The following VPS37C variants were observed in gnomAD, a reference collection of about 807,000 sequenced individuals.
VPS37C encodes the protein VPS37C subunit of ESCRT-I, also known as vacuolar protein sorting-associated protein 37C.
VPS37C carries 9 observed loss-of-function variants against 16.1 expected under a neutral mutation model. The ratio of observed to expected loss-of-function variants is 0.56; its 90% confidence interval spans 0.34 to 0.97. The LOEUF (loss-of-function observed/expected upper bound fraction) is 0.97, where lower values mean the gene tolerates loss of function less well. Ranked by LOEUF, VPS37C falls within the 50% of genes least tolerant of loss-of-function variation. The probability of loss-of-function intolerance (pLI) is 0.02; values close to 1 mark genes in which losing one functional copy is unlikely to be tolerated. For synonymous variants in VPS37C, 207 were observed against 206.4 expected (o/e 1.00, Z -0.02); for missense variants, 479 against 472.7 (o/e 1.01, Z -0.12).
chr11:61,135,284 G>A (rs1234055920), intron 2 of VPS37C, among the ~76,000 whole-genome samples: 3 of 152,212 alleles, frequency 2.0e-5, no homozygotes, highest in Admixed American at 6.5e-5. Context: ...TACAGGGGCC[G>A]AGGTCCTGCA....
At chr11:61,142,337 T>C (rs1477527818) in intron 1 of VPS37C, among the ~76,000 whole-genome samples, 1 of 152,130 alleles carries the variant, frequency 6.6e-6, no homozygotes, top group East Asian at 1.9e-4. Context: ...ACTCAAGCAA[T>C]CCTCCCACCT....
At chr11:61,144,314 G>C (rs1303293321) in intron 1 of VPS37C, 1 of 152,148 alleles carries the variant, frequency 6.6e-6, no homozygotes, top group African/African-American at 2.4e-5. Context: ...AGGCTACCTG[G>C]GTCTGACTAG....
At chr11:61,154,664 CAG>C (rs1241232815) in intron 1 of VPS37C, among the ~76,000 whole-genome samples, 1 of 152,294 alleles carries the variant, frequency 6.6e-6, no homozygotes, top group South Asian at 2.1e-4. Flanking sequence ...AAAATATTTG[CAG>C]AGTTACTGAC....
chr11:61,149,497 C>A (rs1342106280), intron 1 of VPS37C, among the ~76,000 whole-genome samples: 1 of 152,160 alleles, frequency 6.6e-6, no homozygotes, highest in East Asian at 1.9e-4. Context: ...CACCAAGCAG[C>A]AGGTCTGGCA....
At chr11:61,147,550 G>A (rs1289576634) in intron 1 of VPS37C, among the ~76,000 whole-genome samples, 1 of 152,068 alleles carries the variant, frequency 6.6e-6, no homozygotes, top group Non-Finnish European at 1.5e-5. Context: ...GGAACTCTGG[G>A]GAGGGTTCAA....
rs1055225994 is a variant in VPS37C at position 61,130,805 on chromosome 11, G to C, written c.*1015C>G. ...GGTGTTTTTTAAAAAGCACCATTTG[G>C]GAAGTAAAGTTAGGGCCTCTTTTGA... On this transcript the variant is annotated 3_prime_UTR_variant, in exon 5 of 5. Coordinates refer to ENST00000301765, the MANE Select transcript of VPS37C (RefSeq NM_017966.5). 1 of 440,104 alleles carries C rather than the reference G, an allele frequency of 2.3e-6. No homozygotes were observed. Among genetic ancestry groups the C allele is most frequent in the Non-Finnish European group, 4.5e-6 (1 of 221,324 alleles). 27.3% of individuals were successfully genotyped at this position (440,104 alleles called of 1,614,324 possible).
chr11:61,132,336 C>T lies in VPS37C; in HGVS notation c.552G>A (p.Gln184=), dbSNP rs1193061880. The change falls in exon 5 of 5, where the codon CAG becomes CAA. Residue 184 remains glutamine (Q), a synonymous_variant. Coordinates refer to ENST00000301765, the MANE Select transcript of VPS37C (RefSeq NM_017966.5). ...GCTCTTCAACCACAGGGGGTGTTCC[C>T]TGGGGGACTGGGCGCACCGGGGGTG... ...RPPPPVRPVP[Q]GTPPVVEEQP... 1 of 1,599,290 alleles carries T rather than the reference C, an allele frequency of 6.3e-7. No individual in the cohort carries two copies.
At chr11:61,138,884 G>C in intron 1 of VPS37C, 49 bp from the exon 2 acceptor site, 1 of 1,560,350 alleles carries the variant, frequency 6.4e-7, no homozygotes, top group Admixed American at 1.7e-5. Flanking sequence ...CCAAGACGAA[G>C]GGACCCCCGA....
intron 1 of VPS37C, among the ~76,000 whole-genome samples, chr11:61,157,418 T>G (rs953105889): frequency 2.4e-4 from 15 of 63,740 alleles, no homozygotes; most frequent in African/African-American, 1.6e-4. Context: ...TGTTGTTGTT[T>G]TTTTTCAATA....
chr11:61,146,084 G>A (rs615968), intron 1 of VPS37C, among the ~76,000 whole-genome samples: 1 of 152,146 alleles, frequency 6.6e-6, no homozygotes, highest in Non-Finnish European at 1.5e-5. Flanking sequence ...TCACAATAAC[G>A]TTTGCCCAAA....
At position 61,130,852 on chromosome 11, in the gene VPS37C, T is replaced by C. The variant is rs1309560865; in HGVS notation, c.*968A>G. 4.8e-6 allele frequency: 2 copies of C among 420,460 alleles called. No individual in the cohort carries two copies. Among genetic ancestry groups the C allele is most frequent in the Non-Finnish European group, 9.4e-6 (2 of 213,786 alleles). 26.0% of individuals were successfully genotyped at this position (420,460 alleles called of 1,614,324 possible). On this transcript the variant is annotated 3_prime_UTR_variant, in exon 5 of 5. Coordinates refer to ENST00000301765, the MANE Select transcript of VPS37C (RefSeq NM_017966.5). ...TTGATGCCTGTCTTAGGATGGACAC[T>C]GGGGGTGGGAGGATTACATCAACAG...
intron 1 of VPS37C, among the ~76,000 whole-genome samples, chr11:61,152,187 C>G (rs1459882627): frequency 6.6e-6 from 1 of 152,170 alleles, no homozygotes. Context: ...GATAAGACCG[C>G]TGTACTCACT....
chr11:61,140,157 G>A (rs1861450356), intron 1 of VPS37C, among the ~76,000 whole-genome samples: 2 of 152,218 alleles, frequency 1.3e-5, no homozygotes, highest in African/African-American at 4.8e-5. Context: ...CACTCAGCTA[G>A]GGTGAGCCAA....
At chr11:61,142,142 C>T (rs1051727693) in intron 1 of VPS37C, among the ~76,000 whole-genome samples, 1 of 152,222 alleles carries the variant, frequency 6.6e-6, no homozygotes, top group African/African-American at 2.4e-5. Context: ...CTCAGGACCC[C>T]TTTTCACTCT....
intron 1 of VPS37C, among the ~76,000 whole-genome samples, chr11:61,153,764 G>A (rs1168502143): frequency 1.3e-5 from 2 of 152,172 alleles, no homozygotes; most frequent in African/African-American, 4.8e-5. Context: ...GGAGGCCAGG[G>A]TAGCCAGAGT....
intron 2 of VPS37C, among the ~76,000 whole-genome samples, chr11:61,136,464 G>A (rs1053898041): frequency 1.2e-4 from 19 of 152,028 alleles, no homozygotes; most frequent in African/African-American, 3.4e-4. Flanking sequence ...ATGAGCTACC[G>A]CGCCCAGCCT....
chr11:61,136,510 T>G (rs992880694), intron 2 of VPS37C, among the ~76,000 whole-genome samples: 1 of 152,156 alleles, frequency 6.6e-6, no homozygotes, highest in Non-Finnish European at 1.5e-5. Flanking sequence ...ACAAAGATTC[T>G]CATCTTCCCC....
At chr11:61,156,145 TA>T (rs1382241800) in intron 1 of VPS37C, among the ~76,000 whole-genome samples, 4 of 151,688 alleles carry the variant, frequency 2.6e-5, no homozygotes, top group African/African-American at 9.7e-5. Context: ...AAAGAAGTCA[TA>T]AAAAAGGAAA....
intron 1 of VPS37C, among the ~76,000 whole-genome samples, 154 bp from the exon 2 acceptor site, chr11:61,138,989 G>A (rs1376675869): frequency 1.3e-5 from 2 of 152,150 alleles, no homozygotes; most frequent in Non-Finnish European, 2.9e-5. Context: ...ATCTCTGAGA[G>A]CACATTCCTG....
Sources: gnomAD v4.1 joint callset for allele counts (sites outside exome capture counted in the v4.1 genomes callset) on GRCh38, gnomAD v4.1.1 for gene constraint, MANE v1.5 for transcripts, NCBI Gene and HGNC (gene_info 2026-07-23, HGNC 2026-07-21) for gene names.